Variants in TRAK2 observed in about 807,000 individuals in gnomAD.
The protein encoded by TRAK2 is trafficking kinesin-binding protein 2.
In TRAK2, 81 loss-of-function variants were observed where a neutral mutation model predicts 104.6. The ratio of observed to expected loss-of-function variants is 0.77; its 90% CI spans 0.65 to 0.93. The LOEUF is 0.93. Among genes scored for constraint, TRAK2 ranks in the 40% least tolerant of loss-of-function variants. The pLI, the probability that TRAK2 is intolerant of heterozygous loss-of-function variation, is 0.00. For missense variants in TRAK2, 1,002 were observed against 1,089.0 expected, an observed-to-expected ratio of 0.92 and a Z score of 1.12; for synonymous variants, 406 against 394.4, an observed-to-expected ratio of 1.03 and a Z score of -0.35.
chr2:201,384,200 TG>T lies in TRAK2; in HGVS notation c.1979del (p.Pro660GlnfsTer51). ...AGTTTGTGCACGACAGGCACTTTCC[TG>T]GGTTGGCGGTTGCAACTGAAATAGA... ...GGPVTVATAN[P>X]GKCLSCTNST... On this transcript the variant is annotated frameshift_variant, in exon 15 of 16. Coordinates refer to ENST00000332624, the MANE Select transcript of TRAK2 (RefSeq NM_015049.3). LOFTEE classifies it high-confidence loss of function. 1 of 1,613,086 alleles carries T rather than the reference TG, an allele frequency of 6.2e-7. No homozygotes were observed. The highest frequency in any genetic ancestry group is 8.5e-7 in the Non-Finnish European group (1 of 1,179,552).
At chr2:201,403,293 T>C (rs942797506) in intron 3 of TRAK2, among the ~76,000 whole-genome samples, 1 of 152,186 alleles carries the variant, frequency 6.6e-6, no homozygotes, top group African/African-American at 2.4e-5. Flanking sequence ...CTTTCTTGTA[T>C]GAGGAATCTT....
chr2:201,389,592 A>G, intron 11 of TRAK2, 89 bp from the exon 12 acceptor site: 1 of 1,277,904 alleles, frequency 7.8e-7, no homozygotes, highest in Non-Finnish European at 1.1e-6. Flanking sequence ...TCAGAAATAA[A>G]GCCACCCTGA....
At chr2:201,398,707 G>A (rs1951523575) in intron 5 of TRAK2, among the ~76,000 whole-genome samples, 1 of 152,034 alleles carries the variant, frequency 6.6e-6, no homozygotes, top group African/African-American at 2.4e-5. Flanking sequence ...AACCTTCAAA[G>A]TATCAGAATA....
At chr2:201,412,611 A>C in intron 2 of TRAK2, 5 of 1,541,784 alleles carry the variant, frequency 3.2e-6, no homozygotes, top group Non-Finnish European at 4.5e-6. Context: ...TGTATTCAGG[A>C]GGCAAATATT....
chr2:201,388,225 T>C, intron 12 of TRAK2: 1 of 541,336 alleles, frequency 1.8e-6, no homozygotes, highest in East Asian at 3.3e-5. Flanking sequence ...GATAATACTT[T>C]ATTGATATTC....
intron 1 of TRAK2, among the ~76,000 whole-genome samples, chr2:201,438,713 T>A (rs189169807): frequency 6.6e-6 from 1 of 152,242 alleles, no homozygotes; most frequent in East Asian, 1.9e-4. Context: ...TTACTGAATA[T>A]AGAAGAAGAA....
At chr2:201,408,614 G>A (rs1043844022) in intron 2 of TRAK2, among the ~76,000 whole-genome samples, 6 of 152,208 alleles carry the variant, frequency 3.9e-5, no homozygotes, top group Admixed American at 6.5e-5. Flanking sequence ...CTGTGTCTCT[G>A]AAGCAGCAGC....
chr2:201,407,327 G>A lies in TRAK2; in HGVS notation c.286+76C>T, dbSNP rs535728838. 9.0e-5 allele frequency: 116 copies of A among 1,284,732 alleles called. 2 individuals are homozygous for A. In the South Asian group the frequency reaches 1.4e-3, roughly 15 times the overall value. 79.6% of individuals were successfully genotyped at this position (1,284,732 alleles called of 1,614,324 possible). A position where few individuals can be genotyped will look rare whatever the true frequency, so the allele number is the denominator to read the frequency against. ...TGAACAATGGCTACTAAACATCAGT[G>A]CTTTAAAAATCAATACCAAGATACC... On this transcript the variant is annotated intron_variant, in intron 3 of 15. Transcript: ENST00000332624.
rs1305315850 is a variant in TRAK2 at position 201,378,675 on chromosome 2, C to T, written c.*1868G>A. On this transcript the variant is annotated 3_prime_UTR_variant, in exon 16 of 16. Coordinates refer to ENST00000332624, the MANE Select transcript of TRAK2 (RefSeq NM_015049.3). ...ACACTTATATTCACATATAAACCTG[C>T]TGGAATCCTTTCTGAAACTCTACAC... is the stretch of plus-strand genomic sequence containing the variant. The T allele has an allele frequency of 6.6e-6, 1 of 152,150 alleles. No individual in the cohort carries two copies. The highest frequency in any genetic ancestry group is 2.4e-5 in the African/African-American group (1 of 41,420). The allele number at this position is 152,150 out of a possible 1,614,324, so 9.4% of individuals were successfully genotyped here. A position where few individuals can be genotyped will look rare whatever the true frequency, so the allele number is the denominator to read the frequency against.
chr2:201,420,360 C>A (rs1486767457), intron 2 of TRAK2, 57 bp downstream of exon 2: 6 of 1,412,664 alleles, frequency 4.2e-6, no homozygotes, highest in Non-Finnish European at 6.0e-6. Context: ...TGGACTGAGG[C>A]ATTTGCATTT....
At chr2:201,400,969 A>G in intron 4 of TRAK2, 49 bp downstream of exon 4, 1 of 1,440,642 alleles carries the variant, frequency 6.9e-7, no homozygotes, top group Non-Finnish European at 9.7e-7. Flanking sequence ...ATTCCAAATG[A>G]TCCTCAAGTT....
At chr2:201,435,530 A>T (rs1951874902) in intron 1 of TRAK2, among the ~76,000 whole-genome samples, 1 of 152,250 alleles carries the variant, frequency 6.6e-6, no homozygotes. Context: ...AGGCTTTCTT[A>T]TAACTTTTCA....
intron 7 of TRAK2, among the ~76,000 whole-genome samples, chr2:201,396,879 A>T (rs1951507791): frequency 6.6e-6 from 1 of 152,170 alleles, no homozygotes; most frequent in South Asian, 2.1e-4. Flanking sequence ...TGAATTGTTT[A>T]TTTCTGGAAT....
intron 10 of TRAK2, among the ~76,000 whole-genome samples, chr2:201,392,002 T>C (rs745517142): frequency 6.6e-6 from 1 of 152,156 alleles, no homozygotes; most frequent in Non-Finnish European, 1.5e-5. Context: ...CTGATGCTGA[T>C]GGTTGTAGTG....
At chr2:201,426,302 G>A (rs746826698) in intron 1 of TRAK2, among the ~76,000 whole-genome samples, 4 of 152,192 alleles carry the variant, frequency 2.6e-5, no homozygotes, top group Non-Finnish European at 5.9e-5. Flanking sequence ...GCCCACTTAT[G>A]AGAATCGAAT....
At chr2:201,449,239 A>G (rs1251337105) in intron 1 of TRAK2, among the ~76,000 whole-genome samples, 1 of 152,148 alleles carries the variant, frequency 6.6e-6, no homozygotes, top group Non-Finnish European at 1.5e-5. Flanking sequence ...AGACAATAAC[A>G]CTAGACAATC....
intron 9 of TRAK2, 43 bp downstream of exon 9, chr2:201,394,755 A>G (rs1559440525): frequency 6.8e-7 from 1 of 1,460,338 alleles, no homozygotes; most frequent in Non-Finnish European, 9.5e-7. Flanking sequence ...GAAACTAGTC[A>G]CTCTTTCCCC....
chr2:201,421,920 G>A (rs979477429), intron 1 of TRAK2, among the ~76,000 whole-genome samples: 4 of 151,864 alleles, frequency 2.6e-5, no homozygotes, highest in Admixed American at 6.6e-5. Context: ...GTGGTGGCAG[G>A]TGCCTGTAAT....
Position 201,380,956 on chromosome 2 carries a change from G to A in TRAK2, c.2332C>T (p.Pro778Ser), listed in dbSNP as rs756383811. 4 of 1,614,054 alleles carry A rather than the reference G, an allele frequency of 2.5e-6. No individual in the cohort carries two copies. The highest frequency in any genetic ancestry group is 3.4e-6 in the Non-Finnish European group (4 of 1,180,024). Residue 778 changes from proline (P) to serine (S), a missense_variant, in exon 16 of 16, where the codon CCA (proline) becomes TCA (serine). Transcript: ENST00000332624. ...PKSLAIPSTPPNSPSHSPCPS... is the reference protein window; with the variant it reads ...PKSLAIPSTPSNSPSHSPCPS... Reference sequence around the variant, plus strand: ...CAAGGTGAGTGAGATGGTGAATTTGGTGGTGTGGAAGGGATAGCCAGGGAT... The same window carrying A: ...CAAGGTGAGTGAGATGGTGAATTTGATGGTGTGGAAGGGATAGCCAGGGAT...
Sources: allele counts gnomAD v4.1 joint callset (sites outside exome capture counted in the v4.1 genomes callset), GRCh38; gene constraint gnomAD v4.1.1; transcripts MANE v1.5; gene names NCBI Gene and HGNC (gene_info 2026-07-23, HGNC 2026-07-21).